Variants in CTNNA2 observed in about 807,000 individuals in gnomAD.
CTNNA2 encodes the protein catenin alpha-2.
In CTNNA2, 42 loss-of-function variants were observed where a neutral mutation model predicts 101.0. The observed-to-expected ratio is 0.42, with a 90% CI of 0.32 to 0.54. CTNNA2 has a LOEUF of 0.54. Among genes scored for constraint, CTNNA2 ranks in the 20% least tolerant of loss-of-function variants. The probability of loss-of-function intolerance (pLI) is 0.14; values close to 1 mark genes in which losing one functional copy is unlikely to be tolerated. For missense variants in CTNNA2, 871 were observed against 1,223.1 expected, an observed-to-expected ratio of 0.71 and a Z score of 4.29; for synonymous variants, 450 against 456.4, an observed-to-expected ratio of 0.99 and a Z score of 0.18.
chr2:80,043,096 TC>T (rs200294697), intron 7 of CTNNA2, among the ~76,000 whole-genome samples: 531 of 21,418 alleles, frequency 0.025, 13 homozygotes, highest in African/African-American at 0.1. Flanking sequence ...TCTTTCTTTC[TC>T]TCTCTCTCTC....
intron 7 of CTNNA2, among the ~76,000 whole-genome samples, chr2:80,158,636 A>T (rs950010858): frequency 8.5e-5 from 13 of 152,328 alleles, no homozygotes; most frequent in African/African-American, 3.1e-4. Flanking sequence ...CAGGCCGGGC[A>T]TGGTGGCTTA....
At chr2:79,859,467 A>G (rs1681414901) in intron 4 of CTNNA2, among the ~76,000 whole-genome samples, 2 of 152,148 alleles carry the variant, frequency 1.3e-5, no homozygotes, top group South Asian at 4.1e-4. Flanking sequence ...CAAATTATGT[A>G]TAAATTCTGG....
At chr2:79,930,341 AAAGAAAGAAAGAAAGAATG>A (rs1687352105) in intron 7 of CTNNA2, among the ~76,000 whole-genome samples, 2 of 140,446 alleles carry the variant, frequency 1.4e-5, no homozygotes, top group African/African-American at 2.8e-5. Flanking sequence ...AGAAAGAAAG[AAAGAAAGAAAGAAAGAATG>A]AACACGGGTT....
chr2:80,514,093 A>T (rs1434583048), intron 9 of CTNNA2, among the ~76,000 whole-genome samples: 1 of 152,078 alleles, frequency 6.6e-6, no homozygotes, highest in Admixed American at 6.5e-5. Context: ...TGTCCTGTTT[A>T]GGCACTCACT....
intron 3 of CTNNA2, among the ~76,000 whole-genome samples, chr2:79,341,930 G>T (rs529096066): frequency 8.5e-5 from 13 of 152,174 alleles, no homozygotes; most frequent in Middle Eastern, 6.8e-3. Flanking sequence ...TCCATGAAAG[G>T]GTGTCACGTT....
intron 3 of CTNNA2, among the ~76,000 whole-genome samples, chr2:79,763,836 A>G (rs1234878691): frequency 6.6e-6 from 1 of 152,356 alleles, no homozygotes. Context: ...GGACTAGGAC[A>G]TAGATTTTCA....
chr2:79,238,793 T>C (rs943147920), intron 2 of CTNNA2, among the ~76,000 whole-genome samples: 1 of 152,212 alleles, frequency 6.6e-6, no homozygotes, highest in Non-Finnish European at 1.5e-5. Flanking sequence ...ACAAAACCAC[T>C]GTGACTTAGG....
chr2:80,175,096 C>T (rs1705311798), intron 7 of CTNNA2, among the ~76,000 whole-genome samples: 1 of 152,182 alleles, frequency 6.6e-6, no homozygotes, highest in Non-Finnish European at 1.5e-5. Flanking sequence ...CACCTCTGGC[C>T]TTCTCTTGAT....
At chr2:79,830,015 G>C (rs952611692) in intron 3 of CTNNA2, among the ~76,000 whole-genome samples, 3 of 152,124 alleles carry the variant, frequency 2.0e-5, no homozygotes, top group Non-Finnish European at 4.4e-5. Context: ...GCTAGAAGCT[G>C]ACCCTGGGAA....
chr2:79,510,345 A>G (rs1156428461), upstream of CTNNA2, among the ~76,000 whole-genome samples: 1 of 152,222 alleles, frequency 6.6e-6, no homozygotes, highest in Non-Finnish European at 1.5e-5. Flanking sequence ...ACTCAAAACA[A>G]AAGAAATAAG....
chr2:79,925,937 T>G (rs1231537648), intron 7 of CTNNA2, among the ~76,000 whole-genome samples: 1 of 152,044 alleles, frequency 6.6e-6, no homozygotes, highest in Non-Finnish European at 1.5e-5. Context: ...AGATATGAAT[T>G]ATTTAGATTT....
chr2:80,536,838 T>C (rs1236787707), intron 9 of CTNNA2, among the ~76,000 whole-genome samples: 2 of 152,224 alleles, frequency 1.3e-5, no homozygotes, highest in African/African-American at 4.8e-5. Flanking sequence ...AGCCACGATG[T>C]AGTTTATCAA....
At chr2:80,186,074 ACT>A (rs1431726255) in intron 7 of CTNNA2, among the ~76,000 whole-genome samples, 3 of 151,926 alleles carry the variant, frequency 2.0e-5, no homozygotes, top group Non-Finnish European at 4.4e-5. Context: ...ACTGTGGCCA[ACT>A]CTGCCACTTC....
At chr2:80,397,853 C>T (rs372548572) in intron 8 of CTNNA2, among the ~76,000 whole-genome samples, 27 of 152,230 alleles carry the variant, frequency 1.8e-4, no homozygotes, top group Admixed American at 1.4e-3. Flanking sequence ...CCTGCCTCTC[C>T]GTAGAACCAA....
At chr2:80,620,980 T>A (rs1156340893) in intron 18 of CTNNA2, among the ~76,000 whole-genome samples, 1 of 151,996 alleles carries the variant, frequency 6.6e-6, no homozygotes, top group Non-Finnish European at 1.5e-5. Flanking sequence ...CAGTGTTTTT[T>A]AAATTCATTT....
chr2:79,387,778 T>A (rs1360774889), intron 4 of CTNNA2, among the ~76,000 whole-genome samples: 1 of 152,120 alleles, frequency 6.6e-6, no homozygotes, highest in Non-Finnish European at 1.5e-5. Flanking sequence ...TCACTGACAT[T>A]AAAGTGGGCA....
intron 7 of CTNNA2, among the ~76,000 whole-genome samples, chr2:80,291,205 G>T (rs1234505692): frequency 2.6e-5 from 4 of 152,230 alleles, no homozygotes; most frequent in Non-Finnish European, 4.4e-5. Context: ...TCCCTTGGGG[G>T]AAGTTCATCG....
At chr2:79,363,768 C>T (rs1677683370) in intron 3 of CTNNA2, among the ~76,000 whole-genome samples, 1 of 152,172 alleles carries the variant, frequency 6.6e-6, no homozygotes, top group African/African-American at 2.4e-5. Context: ...CAAGTCATTA[C>T]AGGCCCGAGG....
At chr2:79,816,228 G>T (rs543000001) in intron 3 of CTNNA2, among the ~76,000 whole-genome samples, 1 of 152,022 alleles carries the variant, frequency 6.6e-6, no homozygotes, top group South Asian at 2.1e-4. Flanking sequence ...CCTCTTTACT[G>T]ATTTGGATGC....
Sources: allele counts gnomAD v4.1 joint callset (sites outside exome capture counted in the v4.1 genomes callset), GRCh38; gene constraint gnomAD v4.1.1; transcripts MANE v1.5; gene names NCBI Gene and HGNC (gene_info 2026-07-23, HGNC 2026-07-21).